The following CYFIP2 variants were observed in gnomAD, a reference collection of about 807,000 sequenced individuals.
CYFIP2 encodes cytoplasmic FMR1 interacting protein 2.
A neutral mutation model predicts 158.7 loss-of-function variants in CYFIP2; 29 were observed. That is an observed-to-expected ratio of 0.18 (90% CI 0.14 to 0.25). CYFIP2 has a LOEUF of 0.25. Among genes scored for constraint, CYFIP2 ranks in the 10% least tolerant of loss-of-function variants. CYFIP2 has a pLI of 1.00. For synonymous variants in CYFIP2, 585 were observed against 617.6 expected, an observed-to-expected ratio of 0.95 and a Z score of 0.78; for missense variants, 852 against 1,639.5, an observed-to-expected ratio of 0.52 and a Z score of 8.29.
At chr5:157,276,131 CTTTTA>C (rs1051712891) in intron 1 of CYFIP2, among the ~76,000 whole-genome samples, 35 of 152,124 alleles carry the variant, frequency 2.3e-4, no homozygotes, top group African/African-American at 8.4e-4. Flanking sequence ...ATCTAGATGT[CTTTTA>C]TTTAATTTTC....
At position 157,283,655 on chromosome 5, in the gene CYFIP2, G is replaced by A. The variant is rs150585781; in HGVS notation, c.-23-1684G>A. Among the ~76,000 whole-genome samples the A allele has an allele frequency of 3.9e-4, 60 of 152,310 alleles. 2 individuals are homozygous for A. In the South Asian group the frequency reaches 4.8e-3, roughly 12 times the overall value. On this transcript the variant is annotated intron_variant, in intron 1 of 30. Transcript: ENST00000620254. ...GCAGCATTTGCTGTTGTCATGGTAC[G>A]TGATGGGAAGGTGTGTTTGAGAACT...
intron 21 of CYFIP2, among the ~76,000 whole-genome samples, chr5:157,337,086 G>A (rs1761907631): frequency 6.6e-6 from 1 of 152,018 alleles, no homozygotes; most frequent in South Asian, 2.1e-4. Flanking sequence ...GTGTGCCAGG[G>A]GACTCAGTGA....
chr5:157,377,310 G>A (rs1765580401), intron 26 of CYFIP2, among the ~76,000 whole-genome samples: 1 of 151,884 alleles, frequency 6.6e-6, no homozygotes, highest in Admixed American at 6.6e-5. Flanking sequence ...CTCTAGCACT[G>A]AAAGCTTCAG....
At position 157,352,018 on chromosome 5, in the gene CYFIP2, C is replaced by CT. The variant is rs550987764; in HGVS notation, c.2674-6984dup. 8.5e-4 allele frequency among the ~76,000 whole-genome samples: 129 copies of CT among 152,254 alleles called. 6 individuals carry two copies. In the South Asian group the frequency reaches 0.025, roughly 30 times the overall value. On this transcript the variant is annotated intron_variant, in intron 23 of 30. Coordinates refer to ENST00000620254, the MANE Select transcript of CYFIP2 (RefSeq NM_001037333.3). ...AGAGATGATGCTCAATAAAACAAAA[C>CT]TTTAACAACTGGTCAAGTAATCAAA...
At position 157,311,847 on chromosome 5, in the gene CYFIP2, A is replaced by G; in HGVS notation, c.1110+66A>G. 2.1e-6 allele frequency: 3 copies of G among 1,426,892 alleles called. No individual in the cohort carries two copies. Among genetic ancestry groups the G allele is most frequent in the Non-Finnish European group, 2.9e-6 (3 of 1,035,792 alleles). The allele number at this position is 1,426,892 out of a possible 1,614,324, so 88.4% of individuals were successfully genotyped here. ...GGGCCAGAAGGGGTAAGGAGCAGCC[A>G]GGAAAGAACATGGACCCACGGAACA... On this transcript the variant is annotated intron_variant, in intron 11 of 30. Coordinates refer to ENST00000620254, the MANE Select transcript of CYFIP2 (RefSeq NM_001037333.3). This position sits in a 1 kb window ranked among gnomAD's most constrained non-coding sequence, Gnocchi z 4.7.
intron 26 of CYFIP2, among the ~76,000 whole-genome samples, chr5:157,374,783 T>C (rs968433800): frequency 1.3e-5 from 2 of 152,218 alleles, no homozygotes; most frequent in African/African-American, 2.4e-5. Context: ...TCTATTCCAA[T>C]TAAATTGCGA....
chr5:157,372,803 G>T (rs922523215), intron 26 of CYFIP2, among the ~76,000 whole-genome samples: 6 of 152,186 alleles, frequency 3.9e-5, no homozygotes, highest in Non-Finnish European at 7.3e-5. Context: ...AGAGGCCAGT[G>T]AGAGACCCTT....
chr5:157,295,297 T>C (rs1758164952), intron 4 of CYFIP2, among the ~76,000 whole-genome samples: 1 of 152,256 alleles, frequency 6.6e-6, no homozygotes, highest in African/African-American at 2.4e-5. Flanking sequence ...TGTATTATTT[T>C]GTGTTTATAT....
At chr5:157,270,217 T>C (rs970484604) in intron 1 of CYFIP2, among the ~76,000 whole-genome samples, 4 of 152,222 alleles carry the variant, frequency 2.6e-5, no homozygotes, top group African/African-American at 9.6e-5. Context: ...ATTTGGTCAT[T>C]GTAGAGCAAT....
chr5:157,343,069 A>G (rs776689568), intron 23 of CYFIP2: 1 of 1,614,158 alleles, frequency 6.2e-7, no homozygotes. Context: ...TCACCAACCC[A>G]TTGGCCTCCT....
chr5:157,266,287 C>G lies in CYFIP2; in HGVS notation c.-24+92C>G, dbSNP rs564199400. On this transcript the variant is annotated intron_variant, in intron 1 of 30. Coordinates refer to ENST00000620254, the MANE Select transcript of CYFIP2 (RefSeq NM_001037333.3). This position sits in a 1 kb window ranked among gnomAD's most constrained non-coding sequence, Gnocchi z 4.2. ...GCCGTGAGGATGCGCGAAGGGCCGCCCCCTCTCCCGGCCCGCGGGGGGCGC... is the reference window on the plus strand; with the variant it reads ...GCCGTGAGGATGCGCGAAGGGCCGCGCCCTCTCCCGGCCCGCGGGGGGCGC... The G allele has an allele frequency of 3.3e-5, 5 of 150,898 alleles. No homozygotes were observed. The highest frequency in any genetic ancestry group is 5.9e-5 in the Non-Finnish European group (4 of 67,530). 9.3% of individuals were successfully genotyped at this position (150,898 alleles called of 1,614,324 possible). A position where few individuals can be genotyped will look rare whatever the true frequency, so the allele number is the denominator to read the frequency against.
intron 3 of CYFIP2, among the ~76,000 whole-genome samples, chr5:157,294,448 C>T (rs1477030394): frequency 1.3e-5 from 2 of 152,174 alleles, no homozygotes; most frequent in Non-Finnish European, 2.9e-5. Context: ...TTGCTACTTG[C>T]TTATTTTCTT....
At chr5:157,345,265 T>G (rs1762594670) in intron 23 of CYFIP2, 1 of 152,322 alleles carries the variant, frequency 6.6e-6, no homozygotes, top group Non-Finnish European at 1.5e-5. Flanking sequence ...TCCTGTTTCT[T>G]GTCACGCACA....
At chr5:157,343,657 T>C in intron 23 of CYFIP2, 2 of 837,758 alleles carry the variant, frequency 2.4e-6, no homozygotes, top group East Asian at 5.4e-5. Context: ...TGCCCTCATC[T>C]TACAGACAAA....
At chr5:157,309,650 A>T in intron 9 of CYFIP2, 93 bp from the exon 10 acceptor site, 1 of 1,168,826 alleles carries the variant, frequency 8.6e-7, no homozygotes, top group East Asian at 2.6e-5. Context: ...CCAGGCACAC[A>T]CAGAGGCCTG....
Position 157,359,106 on chromosome 5 carries a change from C to T in CYFIP2, c.2775C>T (p.Ile925=), listed in dbSNP as rs183570769. 421 of 1,613,990 alleles carry T rather than the reference C, an allele frequency of 2.6e-4. No homozygotes were observed. Among genetic ancestry groups the T allele is most frequent in the Admixed American group, 3.3e-5 (2 of 60,024 alleles). The part of the protein sequence containing the change: ...TICRLLGYQG[I]AVVMEELLKI... ...GCAGACTCCTGGGTTATCAGGGCAT[C>T]GCTGTGGTCATGGAGGAACTGCTAA... is the stretch of plus-strand genomic sequence containing the variant. Residue 925 remains isoleucine, a synonymous_variant, in exon 24 of 31, where the codon ATC becomes ATT. Coordinates refer to ENST00000620254, the MANE Select transcript of CYFIP2 (RefSeq NM_001037333.3).
intron 1 of CYFIP2, among the ~76,000 whole-genome samples, chr5:157,271,916 G>A (rs541228313): frequency 2.0e-5 from 3 of 152,080 alleles, no homozygotes; most frequent in Admixed American, 6.5e-5. Context: ...CCCCACATAC[G>A]CGTCATGTTG....
At chr5:157,389,609 G>T in intron 29 of CYFIP2, 182 bp downstream of exon 29, 9 of 589,170 alleles carry the variant, frequency 1.5e-5, no homozygotes, top group Non-Finnish European at 3.0e-6. Flanking sequence ...GGGTTTGATA[G>T]TAAGACCCTC....
intron 18 of CYFIP2, among the ~76,000 whole-genome samples, chr5:157,326,486 A>G (rs1761028371): frequency 6.6e-6 from 1 of 152,122 alleles, no homozygotes; most frequent in Admixed American, 6.5e-5. Context: ...CCCACCCACA[A>G]ACTCTGTGCT....
Sources: gnomAD v4.1 joint callset for allele counts (sites outside exome capture counted in the v4.1 genomes callset) on GRCh38, gnomAD v4.1.1 for gene constraint, Gnocchi (gnomAD v3.1) non-coding constraint, MANE v1.5 for transcripts, NCBI Gene and HGNC (gene_info 2026-07-23, HGNC 2026-07-21) for gene names.